Variants in CALCOCO2 observed in about 807,000 individuals in gnomAD.
CALCOCO2 encodes the protein calcium-binding and coiled-coil domain-containing protein 2.
Under a neutral mutation model 62.5 loss-of-function variants are expected in CALCOCO2, and 42 were observed. The ratio of observed to expected loss-of-function variants is 0.67; its 90% CI spans 0.53 to 0.87. The LOEUF is 0.87. Among genes scored for constraint, CALCOCO2 ranks in the 40% least tolerant of loss-of-function variants. The pLI, the probability that CALCOCO2 is intolerant of heterozygous loss-of-function variation, is 0.00. For missense variants in CALCOCO2, 456 were observed against 515.0 expected (o/e 0.89, Z 1.11); for synonymous variants, 167 against 173.0 (o/e 0.97, Z 0.27).
intron 10 of CALCOCO2, among the ~76,000 whole-genome samples, chr17:48,857,354 C>T (rs974205167): frequency 1.1e-4 from 16 of 151,866 alleles, no homozygotes; most frequent in Non-Finnish European, 1.3e-4. Flanking sequence ...ATTGCCACCA[C>T]GCCTGGCTAG....
In CALCOCO2 at chr17:48,848,102, G is replaced by A. The variant is rs367731456; in HGVS notation, c.219G>A (p.Met73Ile). The A allele has an allele frequency of 5.1e-5, 83 of 1,613,528 alleles. No individual in the cohort carries two copies. Among genetic ancestry groups the A allele is most frequent in the Non-Finnish European group, 7.0e-5 (82 of 1,179,456 alleles). The change falls in exon 3 of 13, where the codon ATG becomes ATA. Residue 73 changes from methionine to isoleucine, a missense_variant. Physicochemically the swap from Met to Ile is conservative, Grantham distance 10. This residue lies in a region of CALCOCO2 where 236 missense variants were observed against 225.3 expected (regional missense o/e 1.05). Transcript: ENST00000258947. ...WKTTREYYTF[M>I]WVTLPIDLNN... is the part of the protein sequence containing the mutation. The stretch of plus-strand genomic sequence containing the variant: ...CAACCCGTGAGTATTACACCTTCAT[G>A]TGGGTTACTTTGCCCATTGACCTAA...
chr17:48,852,776 T>G (rs1173268444), intron 8 of CALCOCO2, 148 bp downstream of exon 8: 3 of 963,922 alleles, frequency 3.1e-6, no homozygotes, highest in African/African-American at 1.7e-5. Context: ...TGAAATGAGA[T>G]AGCTCATGGC....
At chr17:48,851,475 C>A in intron 6 of CALCOCO2, 84 bp from the exon 7 acceptor site, 1 of 831,724 alleles carries the variant, frequency 1.2e-6, no homozygotes, top group Non-Finnish European at 2.1e-6. Context: ...GGCTTAGGGC[C>A]AAGCCAGCCT....
chr17:48,861,651 ATGTG>A (rs5820731), intron 11 of CALCOCO2, among the ~76,000 whole-genome samples: 1 of 47,790 alleles, frequency 2.1e-5, no homozygotes. Context: ...ATATATATAT[ATGTG>A]TGTGTGTATA....
chr17:48,834,492 T>G (rs1455689164), intron 1 of CALCOCO2, among the ~76,000 whole-genome samples: 2 of 152,206 alleles, frequency 1.3e-5, no homozygotes, highest in Non-Finnish European at 2.9e-5. Context: ...CTCTGTTCAT[T>G]CCTTATGTGG....
intron 2 of CALCOCO2, chr17:48,846,315 A>G (rs2040052733): frequency 6.8e-6 from 4 of 592,004 alleles, no homozygotes. Flanking sequence ...AATATTTTTA[A>G]TACATACAAA....
In CALCOCO2 at chr17:48,859,808, G is replaced by A. The variant is rs377260987; in HGVS notation, c.1009-506G>A. Among the ~76,000 whole-genome samples the A allele has an allele frequency of 2.0e-5, 3 of 152,150 alleles. No homozygotes were observed. The South Asian group carries it at 6.2e-4, about 32-fold the overall frequency. On this transcript the variant is annotated intron_variant, in intron 10 of 12. Coordinates refer to ENST00000258947, the MANE Select transcript of CALCOCO2 (RefSeq NM_005831.5). ...ATGTAGTAAATATATTTAAATTCAG[G>A]TATAGGCTGGGCACAGTGGCTCACA... is the stretch of plus-strand genomic sequence containing the variant.
chr17:48,859,517 G>A (rs2040296179), intron 10 of CALCOCO2, among the ~76,000 whole-genome samples: 1 of 151,700 alleles, frequency 6.6e-6, no homozygotes, highest in Non-Finnish European at 1.5e-5. Flanking sequence ...TGGGAGGGTT[G>A]CTTGAGCCCA....
intron 1 of CALCOCO2, among the ~76,000 whole-genome samples, chr17:48,832,904 TGAGG>T (rs1237052023): frequency 1.3e-5 from 2 of 152,192 alleles, no homozygotes; most frequent in African/African-American, 4.8e-5. Context: ...GGATGTGAGA[TGAGG>T]GCCTGTTTAG....
intron 1 of CALCOCO2, among the ~76,000 whole-genome samples, chr17:48,838,906 C>T (rs2039934494): frequency 6.6e-6 from 1 of 152,042 alleles, no homozygotes; most frequent in Admixed American, 6.6e-5. Context: ...ATTACGGACT[C>T]ACTAAATGTT....
chr17:48,845,376 T>C (rs1598031733), intron 2 of CALCOCO2, among the ~76,000 whole-genome samples: 1 of 23,398 alleles, frequency 4.3e-5, no homozygotes, highest in South Asian at 2.8e-3. Flanking sequence ...CCTCACTGTG[T>C]GTGTGTGTGT....
intron 1 of CALCOCO2, among the ~76,000 whole-genome samples, chr17:48,833,871 G>A (rs1399892364): frequency 3.3e-5 from 5 of 152,138 alleles, no homozygotes; most frequent in African/African-American, 7.2e-5. Context: ...GCTCATGCAT[G>A]TAATCCCAGC....
intron 1 of CALCOCO2, among the ~76,000 whole-genome samples, chr17:48,838,907 A>G (rs1294680109): frequency 6.6e-6 from 1 of 152,180 alleles, no homozygotes. Flanking sequence ...TTACGGACTC[A>G]CTAAATGTTA....
At chr17:48,844,358 C>T (rs1405506401) in intron 2 of CALCOCO2, among the ~76,000 whole-genome samples, 1 of 151,378 alleles carries the variant, frequency 6.6e-6, no homozygotes. Flanking sequence ...CTTTTTGGAA[C>T]ATCGTTATAT....
In CALCOCO2 at chr17:48,841,742, C is replaced by T. The variant is rs1206776586; in HGVS notation, c.35C>T (p.Ala12Val). 1 of 1,613,360 alleles carries T rather than the reference C, an allele frequency of 6.2e-7. No homozygotes were observed. ...EETIKDPPTS[A>V]VLLDHCHFSQ... is the part of the protein sequence containing the mutation. ...ACCATCAAAGATCCCCCCACATCAGCTGTCTTGCTGGATCACTGTCATTTC... is the reference window on the plus strand; with the variant it reads ...ACCATCAAAGATCCCCCCACATCAGTTGTCTTGCTGGATCACTGTCATTTC... The change falls in exon 2 of 13, where the codon GCT becomes GTT. Residue 12 changes from alanine to valine, a missense_variant. Physicochemically the swap from Ala to Val is moderately conservative, Grantham distance 64. Transcript: ENST00000258947.
intron 12 of CALCOCO2, among the ~76,000 whole-genome samples, chr17:48,862,537 C>G: frequency 6.6e-6 from 1 of 152,204 alleles, no homozygotes; most frequent in East Asian, 1.9e-4. Flanking sequence ...TATTTGGTAG[C>G]ATAAGTAGGG....
At chr17:48,857,506 T>TTTTTTTTTTTTTTTTTTTTTTTTTTTTTG (rs2040236871) in intron 10 of CALCOCO2, among the ~76,000 whole-genome samples, 1 of 127,332 alleles carries the variant, frequency 7.9e-6, no homozygotes, top group Non-Finnish European at 1.7e-5. Context: ...CCTTTTTTTT[T>TTTTTTTTTTTTTTTTTTTTTTTTTTTTTG]TTTTTTTTTT....
At position 48,863,788 on chromosome 17, in the gene CALCOCO2, GAC is replaced by G. The variant is rs1441697119; in HGVS notation, c.*785_*786del. ...GAATATGGGTAAATCAGAATAATGA[GAC>G]AACTTGTTAATCTCTTTAATACTAA... On this transcript the variant is annotated 3_prime_UTR_variant, in exon 13 of 13. Transcript: ENST00000258947. 7.2e-5 allele frequency: 11 copies of G among 152,246 alleles called. No homozygotes were observed. The highest frequency in any genetic ancestry group is 2.4e-4 in the African/African-American group (10 of 41,534). The allele number at this position is 152,246 out of a possible 1,614,324, so 9.4% of individuals were successfully genotyped here.
rs902418916 is a variant in CALCOCO2 at position 48,863,216 on chromosome 17, G to T, written c.*211G>T. The T allele has an allele frequency of 5.8e-6, 3 of 517,478 alleles. No individual in the cohort carries two copies. Among genetic ancestry groups the T allele is most frequent in the East Asian group, 3.5e-5 (1 of 28,774 alleles). 32.1% of individuals were successfully genotyped at this position (517,478 alleles called of 1,614,324 possible). ...CCTTGTGGGTTGCTACCTTTAAGTC[G>T]CATAACTCTAGCTGTATCATCCTCT... On this transcript the variant is annotated 3_prime_UTR_variant, in exon 13 of 13. Coordinates refer to ENST00000258947, the MANE Select transcript of CALCOCO2 (RefSeq NM_005831.5).
Sources: gnomAD v4.1 joint callset for allele counts (sites outside exome capture counted in the v4.1 genomes callset) on GRCh38, gnomAD v4.1.1 for gene constraint, gnomAD v4.1.1 regional missense constraint, MANE v1.5 for transcripts, NCBI Gene and HGNC (gene_info 2026-07-23, HGNC 2026-07-21) for gene names.